MLLT10: variants seen among roughly 807,000 people sequenced by gnomAD.
MLLT10 encodes the protein MLLT10 histone lysine methyltransferase DOT1L cofactor, also known as protein AF-10.
MLLT10 carries 30 observed loss-of-function variants against 129.1 expected under a neutral mutation model. That is an observed-to-expected ratio of 0.23 (90% CI 0.17 to 0.32). MLLT10 has a LOEUF of 0.32. Ranked by LOEUF, MLLT10 falls within the 10% of genes least tolerant of loss-of-function variation. The probability of loss-of-function intolerance (pLI) is 1.00; values close to 1 mark genes in which losing one functional copy is unlikely to be tolerated. For synonymous variants in MLLT10, 490 were observed against 446.4 expected, an observed-to-expected ratio of 1.10 and a Z score of -1.23; for missense variants, 1,119 against 1,268.3, an observed-to-expected ratio of 0.88 and a Z score of 1.79.
chr10:21,658,657 G>C (rs1226988262), intron 9 of MLLT10, among the ~76,000 whole-genome samples: 1 of 152,118 alleles, frequency 6.6e-6, no homozygotes, highest in Non-Finnish European at 1.5e-5. Flanking sequence ...GGCTCACCAT[G>C]GTAGGTATAT....
intron 8 of MLLT10, among the ~76,000 whole-genome samples, chr10:21,634,417 A>G (rs2047274159): frequency 6.6e-6 from 1 of 152,204 alleles, no homozygotes; most frequent in African/African-American, 2.4e-5. Context: ...AGTGCATTGT[A>G]TCAAGGGACA....
chr10:21,669,881 A>G (rs2051207756), intron 9 of MLLT10, among the ~76,000 whole-genome samples: 2 of 152,322 alleles, frequency 1.3e-5, no homozygotes, highest in African/African-American at 4.8e-5. Flanking sequence ...CTTTTTCCTC[A>G]ACATAACAAT....
intron 11 of MLLT10, among the ~76,000 whole-genome samples, chr10:21,676,017 C>T (rs893379636): frequency 6.6e-6 from 1 of 152,152 alleles, no homozygotes; most frequent in Non-Finnish European, 1.5e-5. Flanking sequence ...GTTTCTCTTA[C>T]CTTACCATTA....
At chr10:21,649,238 G>T (rs989079936) in intron 8 of MLLT10, among the ~76,000 whole-genome samples, 2 of 151,986 alleles carry the variant, frequency 1.3e-5, no homozygotes, top group Non-Finnish European at 2.9e-5. Flanking sequence ...ACCACACTTG[G>T]CTAATTTTTT....
chr10:21,644,012 T>G (rs1399979840), intron 8 of MLLT10, among the ~76,000 whole-genome samples: 1 of 152,222 alleles, frequency 6.6e-6, no homozygotes, highest in African/African-American at 2.4e-5. Context: ...CAATGTGTAT[T>G]TTCCTTGCTG....
intron 2 of MLLT10, 45 bp from the exon 3 acceptor site, chr10:21,538,788 A>G: frequency 2.8e-6 from 4 of 1,428,390 alleles, no homozygotes; most frequent in South Asian, 1.2e-5. Flanking sequence ...ATTTTTCCAT[A>G]GTTCTTCGAA....
At chr10:21,738,477 G>T (rs1276316956) in intron 21 of MLLT10, 1 of 1,288,826 alleles carries the variant, frequency 7.8e-7, no homozygotes, top group Non-Finnish European at 1.0e-6. Flanking sequence ...GAGACCATGA[G>T]GACTAAAGGA....
intron 2 of MLLT10, among the ~76,000 whole-genome samples, chr10:21,537,206 G>T (rs2034193113): frequency 6.6e-6 from 1 of 152,102 alleles, no homozygotes; most frequent in African/African-American, 2.4e-5. Flanking sequence ...TGGAAGTTTA[G>T]CTTTTGGAGT....
At chr10:21,617,043 C>A in intron 7 of MLLT10, 69 bp from the exon 8 acceptor site, 1 of 672,802 alleles carries the variant, frequency 1.5e-6, no homozygotes, top group Non-Finnish European at 2.2e-6. Flanking sequence ...TGGTTTAAGC[C>A]TAACAAAAAG....
In MLLT10 at chr10:21,713,787, A is replaced by G. The variant is rs371908889; in HGVS notation, c.1715A>G (p.Asn572Ser). The G allele has an allele frequency of 2.0e-4, 314 of 1,609,852 alleles. 1 individual carries two copies. Among genetic ancestry groups the G allele is most frequent in the Non-Finnish European group, 2.4e-4 (281 of 1,178,630 alleles). ...NAIHNGIYNS[N>S]DVAVSFPNVV... ...TTTTTTGCAGGTATTTATAACAGCA[A>G]TGATGTAGCAGTATCGTTTCCAAAT... Residue 572 changes from asparagine (N) to serine (S), a missense_variant, in exon 14 of 23, where the codon AAT (asparagine) becomes AGT (serine). Transcript: ENST00000307729.
At chr10:21,607,049 G>C (rs757012857) in intron 5 of MLLT10, among the ~76,000 whole-genome samples, 1 of 152,096 alleles carries the variant, frequency 6.6e-6, no homozygotes, top group Non-Finnish European at 1.5e-5. Context: ...TTGAAGCCAG[G>C]AGTTTGAGAC....
chr10:21,721,450 C>A (rs920775137), intron 14 of MLLT10, among the ~76,000 whole-genome samples: 3 of 152,106 alleles, frequency 2.0e-5, no homozygotes, highest in Non-Finnish European at 4.4e-5. Flanking sequence ...ACACTTGAAC[C>A]TTTTCCCCCA....
At chr10:21,649,938 T>C (rs2048858478) in intron 8 of MLLT10, among the ~76,000 whole-genome samples, 1 of 152,294 alleles carries the variant, frequency 6.6e-6, no homozygotes, top group South Asian at 2.1e-4. Flanking sequence ...GGGGAGTCAT[T>C]ATCTGCCACA....
At chr10:21,654,476 A>G (rs894612813) in intron 9 of MLLT10, among the ~76,000 whole-genome samples, 6 of 152,190 alleles carry the variant, frequency 3.9e-5, no homozygotes, top group Admixed American at 2.0e-4. Context: ...GTAAGAAGCA[A>G]TGCTTTTAGT....
At position 21,741,003 on chromosome 10, in the gene MLLT10, C is replaced by G. The variant is rs113329750; in HGVS notation, c.3162+767C>G. On this transcript the variant is annotated intron_variant, in intron 22 of 22. Transcript: ENST00000307729. ...GGAGGGACTGAGGTGGGAGACTTGG[C>G]AAATGAGTGTTCAAAGTTGCAGTGT... is the stretch of plus-strand genomic sequence containing the variant. 9.9e-3 allele frequency among the ~76,000 whole-genome samples: 1,512 copies of G among 152,300 alleles called. 13 individuals are homozygous for G. The highest frequency in any genetic ancestry group is 0.014 in the Non-Finnish European group (937 of 68,028).
In MLLT10 at chr10:21,565,158, AAGTAT is replaced by A. The variant is rs2039391459; in HGVS notation, c.241-21132_241-21128del. Among the ~76,000 whole-genome samples, 9 of 152,120 alleles carry A rather than the reference AAGTAT, an allele frequency of 5.9e-5. No homozygotes were observed. The South Asian group carries it at 1.5e-3, about 25-fold the overall frequency. On this transcript the variant is annotated intron_variant, in intron 3 of 22. Coordinates refer to ENST00000307729, the MANE Select transcript of MLLT10 (RefSeq NM_001195626.3). ...TCTCTAGTACTTTTTCTTTGCTCAA[AAGTAT>A]AGTGTTTCTGATGTTAATATAGTCA...
intron 3 of MLLT10, among the ~76,000 whole-genome samples, chr10:21,563,760 T>A (rs2131007444): frequency 6.6e-6 from 1 of 151,730 alleles, no homozygotes; most frequent in African/African-American, 2.4e-5. Flanking sequence ...TTTAGTAATT[T>A]TGATAGGCGG....
At chr10:21,660,063 C>G (rs2050008908) in intron 9 of MLLT10, among the ~76,000 whole-genome samples, 1 of 151,982 alleles carries the variant, frequency 6.6e-6, no homozygotes, top group Non-Finnish European at 1.5e-5. Context: ...CTCCCAGGCT[C>G]AAGCATACTC....
intron 17 of MLLT10, among the ~76,000 whole-genome samples, chr10:21,732,383 A>T (rs1465691352): frequency 6.6e-6 from 1 of 152,190 alleles, no homozygotes; most frequent in Non-Finnish European, 1.5e-5. Context: ...TGACCTGCAG[A>T]GCAACATGCT....
Sources: gnomAD v4.1 joint callset for allele counts (sites outside exome capture counted in the v4.1 genomes callset) on GRCh38, gnomAD v4.1.1 for gene constraint, MANE v1.5 for transcripts, NCBI Gene and HGNC (gene_info 2026-07-23, HGNC 2026-07-21) for gene names.